The following RAD9B variants were observed in gnomAD, a reference collection of about 807,000 sequenced individuals.
The protein encoded by RAD9B is cell cycle checkpoint control protein RAD9B.
A neutral mutation model predicts 48.3 loss-of-function variants in RAD9B; 41 were observed. The ratio of observed to expected loss-of-function variants is 0.85; its 90% CI spans 0.66 to 1.10. The LOEUF is 1.10. Ranked by LOEUF, RAD9B falls within the 50% of genes least tolerant of loss-of-function variation. The probability of loss-of-function intolerance (pLI) is 0.00; values close to 1 mark genes in which losing one functional copy is unlikely to be tolerated. For missense variants in RAD9B, 444 were observed against 485.1 expected (o/e 0.92, Z 0.80); for synonymous variants, 160 against 157.9 (o/e 1.01, Z -0.10).
Position 110,506,673 on chromosome 12 carries a change from T to C in RAD9B, c.368T>C (p.Ile123Thr), listed in dbSNP as rs765218886. Residue 123 changes from isoleucine (I) to threonine (T), a missense_variant, in exon 4 of 11, where the codon ATT (isoleucine) becomes ACT (threonine). Ile to Thr is a moderately conservative substitution (Grantham distance 89). Coordinates refer to ENST00000409300, the MANE Select transcript of RAD9B (RefSeq NM_001286535.2). ...AGATCTGATAAATGCAAAGTAGTTA[T>C]TCAATTCTTCTACAGACATGGTAGG... is the stretch of plus-strand genomic sequence containing the variant. ...FTRSDKCKVVIQFFYRHGIKR... is the reference protein window; with the variant it reads ...FTRSDKCKVVTQFFYRHGIKR... The C allele has an allele frequency of 1.6e-5, 24 of 1,540,970 alleles. No individual in the cohort carries two copies. The highest frequency in any genetic ancestry group is 2.2e-5 in the Non-Finnish European group (24 of 1,114,796).
At chr12:110,504,302 C>T (rs2063195668) in intron 2 of RAD9B, among the ~76,000 whole-genome samples, 3 of 151,638 alleles carry the variant, frequency 2.0e-5, no homozygotes, top group African/African-American at 7.3e-5. Context: ...AACTCCTTCT[C>T]TACTAAAAAT....
chr12:110,526,921 A>G (rs2063962225), intron 10 of RAD9B, among the ~76,000 whole-genome samples: 3 of 151,500 alleles, frequency 2.0e-5, no homozygotes, highest in African/African-American at 4.8e-5. Context: ...AAAAAAAAAA[A>G]AAAGAAAAGA....
At chr12:110,516,647 T>TA (rs1462503356) in intron 6 of RAD9B, among the ~76,000 whole-genome samples, 1 of 151,714 alleles carries the variant, frequency 6.6e-6, no homozygotes. Flanking sequence ...CCGTCTCTAT[T>TA]AAAATACAAA....
chr12:110,508,492 T>C (rs1174205483), intron 4 of RAD9B, among the ~76,000 whole-genome samples: 7 of 152,238 alleles, frequency 4.6e-5, no homozygotes, highest in Admixed American at 4.6e-4. Context: ...ATAGGGTAGT[T>C]ATATGATACT....
At chr12:110,512,996 C>A in intron 5 of RAD9B, 118 bp downstream of exon 5, 1 of 595,714 alleles carries the variant, frequency 1.7e-6, no homozygotes, top group Non-Finnish European at 2.9e-6. Flanking sequence ...TATGGAGTCT[C>A]GCTGTGTCGC....
intron 4 of RAD9B, among the ~76,000 whole-genome samples, chr12:110,507,517 TA>T (rs2063331246): frequency 4.4e-5 from 1 of 22,660 alleles, no homozygotes; most frequent in South Asian, 3.6e-3. Flanking sequence ...ATATAATACA[TA>T]ATATATGTAT....
intron 2 of RAD9B, among the ~76,000 whole-genome samples, chr12:110,504,444 G>T (rs1236696147): frequency 6.8e-6 from 1 of 147,118 alleles, no homozygotes; most frequent in African/African-American, 2.5e-5. Context: ...CTGCACTCCA[G>T]CCTGGGCAAC....
At chr12:110,520,628 C>CTTTTTTTTTTTTTTTTTTTTTTTTTTTT (rs71083129) in intron 9 of RAD9B, among the ~76,000 whole-genome samples, 54 of 99,954 alleles carry the variant, frequency 5.4e-4, no homozygotes, top group East Asian at 9.3e-4. Flanking sequence ...TTCTTGCTTT[C>CTTTTTTTTTTTTTTTTTTTTTTTTTTTT]TTTTTTTTTT....
chr12:110,530,431 C>T lies in RAD9B; in HGVS notation c.1126-94C>T, dbSNP rs574406527. Reference sequence around the variant, plus strand: ...CACCAGCAAAGACAGGGATATAATACTGGTCAGGTTTCTGAGGAGGGCTGT... The same window carrying T: ...CACCAGCAAAGACAGGGATATAATATTGGTCAGGTTTCTGAGGAGGGCTGT... On this transcript the variant is annotated intron_variant, in intron 10 of 10. Transcript: ENST00000409300. 42 of 1,104,760 alleles carry T rather than the reference C, an allele frequency of 3.8e-5. No individual in the cohort carries two copies. The African/African-American group carries it at 5.6e-4, about 15-fold the overall frequency. 68.4% of individuals were successfully genotyped at this position (1,104,760 alleles called of 1,614,324 possible).
At chr12:110,513,467 A>G (rs1286582454) in intron 5 of RAD9B, among the ~76,000 whole-genome samples, 1 of 152,018 alleles carries the variant, frequency 6.6e-6, no homozygotes, top group Non-Finnish European at 1.5e-5. Context: ...CTGAATCTTA[A>G]AACACAGAGC....
Position 110,532,806 on chromosome 12 carries a change from T to C in RAD9B, c.*2153T>C, listed in dbSNP as rs1236111580. 6.6e-6 allele frequency among the ~76,000 whole-genome samples: 1 copy of C among 152,200 alleles called. No individual in the cohort carries two copies. The highest frequency in any genetic ancestry group is 1.5e-5 in the Non-Finnish European group (1 of 68,032). On this transcript the variant is annotated 3_prime_UTR_variant, in exon 11 of 11. Coordinates refer to ENST00000409300, the MANE Select transcript of RAD9B (RefSeq NM_001286535.2). The stretch of plus-strand genomic sequence containing the variant: ...CTACAGTATTCAGTACAGTAACATG[T>C]TATACAGGTTTGTCGCCTAGGAGCA...
At chr12:110,505,858 T>A in intron 3 of RAD9B, 86 bp downstream of exon 3, 2 of 1,002,280 alleles carry the variant, frequency 2.0e-6, no homozygotes, top group Non-Finnish European at 2.9e-6. Context: ...CTTAATAGTT[T>A]AAATGGCATT....
chr12:110,517,088 G>A (rs756619550), intron 6 of RAD9B, among the ~76,000 whole-genome samples: 3 of 152,024 alleles, frequency 2.0e-5, no homozygotes, highest in Non-Finnish European at 2.9e-5. Context: ...TGTAATCCTA[G>A]TGCTTTGGGA....
At chr12:110,518,043 T>C (rs1390884324) in intron 6 of RAD9B, among the ~76,000 whole-genome samples, 1 of 151,824 alleles carries the variant, frequency 6.6e-6, no homozygotes, top group Non-Finnish European at 1.5e-5. Context: ...TACAAAAAAT[T>C]AGCCGAGTGT....
Position 110,530,803 on chromosome 12 carries a change from A to C in RAD9B, c.*150A>C, listed in dbSNP as rs972201889. The C allele has an allele frequency of 5.6e-6, 8 of 1,431,608 alleles. No individual in the cohort carries two copies. The highest frequency in any genetic ancestry group is 2.8e-5 in the Admixed American group (1 of 36,310). The allele number at this position is 1,431,608 out of a possible 1,614,324, so 88.7% of individuals were successfully genotyped here. On this transcript the variant is annotated 3_prime_UTR_variant, in exon 11 of 11. Transcript: ENST00000409300. ...TTTAAACCACATCATCTTGTACAAC[A>C]ACCATATCTAGAAATAGCTGTTTGT... is the stretch of plus-strand genomic sequence containing the variant.
intron 9 of RAD9B, among the ~76,000 whole-genome samples, chr12:110,520,628 C>CTTTTTTTTTTTTTTTTTTTGTTTTT (rs71083129): frequency 2.0e-5 from 2 of 99,966 alleles, no homozygotes; most frequent in African/African-American, 4.0e-5. Context: ...TTCTTGCTTT[C>CTTTTTTTTTTTTTTTTTTTGTTTTT]TTTTTTTTTT....
intron 10 of RAD9B, among the ~76,000 whole-genome samples, chr12:110,526,648 G>T (rs2135732036): frequency 6.6e-6 from 1 of 152,240 alleles, no homozygotes; most frequent in South Asian, 2.1e-4. Context: ...GGTGGCTCAT[G>T]CCTGTAATCC....
chr12:110,507,556 A>T (rs942337249), intron 4 of RAD9B, among the ~76,000 whole-genome samples: 2 of 130,470 alleles, frequency 1.5e-5, no homozygotes, highest in African/African-American at 5.6e-5. Context: ...ATATGTATTA[A>T]ATATATATGT....
In RAD9B at chr12:110,519,811, TTGA is replaced by T. The variant is rs1278860659; in HGVS notation, c.790_792del (p.Asp264del). 3 of 1,611,620 alleles carry T rather than the reference TTGA, an allele frequency of 1.9e-6. No individual in the cohort carries two copies. Among genetic ancestry groups the T allele is most frequent in the Non-Finnish European group, 2.5e-6 (3 of 1,179,260 alleles). ...TTTTTTAGACCTCTGGCTTTGAGTATTGATGATATGTTAGTGGAAGCTAACTTT... is the reference window on the plus strand; with the variant it reads ...TTTTTTAGACCTCTGGCTTTGAGTATTGATATGTTAGTGGAAGCTAACTTT... On this transcript the variant is annotated inframe_deletion, in exon 9 of 11. Coordinates refer to ENST00000409300, the MANE Select transcript of RAD9B (RefSeq NM_001286535.2).
Sources: allele counts gnomAD v4.1 joint callset (sites outside exome capture counted in the v4.1 genomes callset), GRCh38; gene constraint gnomAD v4.1.1; transcripts MANE v1.5; gene names NCBI Gene and HGNC (gene_info 2026-07-23, HGNC 2026-07-21).